Variants in VRTN observed in about 807,000 individuals in gnomAD.
VRTN encodes vertnin.
Under a neutral mutation model 18.2 loss-of-function variants are expected in VRTN, and 5 were observed. The ratio of observed to expected loss-of-function variants is 0.27; its 90% CI spans 0.14 to 0.58. The LOEUF is 0.58. Ranked by LOEUF, VRTN falls within the 20% of genes least tolerant of loss-of-function variation. VRTN has a pLI of 0.91. For missense variants in VRTN, 741 were observed against 939.4 expected, an observed-to-expected ratio of 0.79 and a Z score of 2.76; for synonymous variants, 381 against 393.7, an observed-to-expected ratio of 0.97 and a Z score of 0.38.
chr14:74,348,981 C>T (rs1256271277), intron 1 of VRTN, among the ~76,000 whole-genome samples: 2 of 152,034 alleles, frequency 1.3e-5, no homozygotes, highest in East Asian at 3.9e-4. Context: ...GGTTGGATCC[C>T]TCGTCCCTGG....
At chr14:74,324,386 TCAAA>T (rs2085475021) in intron 1 of VRTN, among the ~76,000 whole-genome samples, 1 of 26,490 alleles carries the variant, frequency 3.8e-5, no homozygotes. Flanking sequence ...AGACTCTGAC[TCAAA>T]AAAAAAAAAA....
chr14:74,340,134 C>T lies in VRTN; in HGVS notation c.-2+2250C>T, dbSNP rs1193448542. On this transcript the variant is annotated intron_variant, in intron 2 of 2. Transcript: ENST00000557177. ...TATTTTTTTTTTTTTTTTTTTGAGA[C>T]GGAGTTTTGCTCTTGTTGCCCAGGC... Among the ~76,000 whole-genome samples the T allele has an allele frequency of 1.9e-4, 24 of 126,582 alleles. 1 individual carries two copies. In the Middle Eastern group the frequency reaches 0.042, roughly 222 times the overall value. The allele number at this position is 126,582 out of a possible 152,430, so 83.0% of individuals were successfully genotyped here.
intron 1 of VRTN, among the ~76,000 whole-genome samples, chr14:74,350,850 G>A (rs1405575050): frequency 6.6e-6 from 1 of 152,190 alleles, no homozygotes; most frequent in East Asian, 1.9e-4. Context: ...AAATGCTTGA[G>A]GGTGAAAAGC....
At position 74,357,917 on chromosome 14, in the gene VRTN, G is replaced by A. The variant is rs112036854; in HGVS notation, c.1134G>A (p.Pro378=). ...VLGMEELEKL[P]EEQVAEEELE... ...GCATGGAGGAGCTAGAGAAGCTGCC[G>A]GAGGAGCAGGTGGCTGAGGAGGAGC... The change falls in exon 2 of 2, where the codon CCG becomes CCA. Residue 378 remains proline (P), a synonymous_variant. Transcript: ENST00000256362. This position sits in a 1 kb window ranked among gnomAD's most constrained non-coding sequence, Gnocchi z 7.8. 99 of 1,614,160 alleles carry A rather than the reference G, an allele frequency of 6.1e-5. No individual in the cohort carries two copies. The African/African-American group carries it at 8.7e-4, about 14-fold the overall frequency.
chr14:74,311,470 G>C (rs1272421616), intron 1 of VRTN, among the ~76,000 whole-genome samples: 1 of 150,956 alleles, frequency 6.6e-6, no homozygotes, highest in Admixed American at 6.6e-5. Flanking sequence ...GTCCAAGCTG[G>C]AGTGCAGTGG....
At chr14:74,334,495 A>C (rs1349370242) in intron 1 of VRTN, among the ~76,000 whole-genome samples, 1 of 152,162 alleles carries the variant, frequency 6.6e-6, no homozygotes, top group Non-Finnish European at 1.5e-5. Context: ...GCACCACTGC[A>C]CTCCAGGCTG....
At chr14:74,327,798 G>A (rs1420489563) in intron 1 of VRTN, among the ~76,000 whole-genome samples, 2 of 152,156 alleles carry the variant, frequency 1.3e-5, no homozygotes, top group Non-Finnish European at 2.9e-5. Flanking sequence ...TCAGCTCACT[G>A]CAACCTGTGC....
chr14:74,340,900 C>T (rs2085601030), intron 2 of VRTN, among the ~76,000 whole-genome samples: 1 of 152,008 alleles, frequency 6.6e-6, no homozygotes, highest in Admixed American at 6.6e-5. Context: ...CGCGCAGCCA[C>T]TCCCGGCTAA....
At chr14:74,322,992 G>A (rs1396567679) in intron 1 of VRTN, among the ~76,000 whole-genome samples, 1 of 151,888 alleles carries the variant, frequency 6.6e-6, no homozygotes, top group African/African-American at 2.4e-5. Flanking sequence ...AATTAGCCAG[G>A]CATGGTGACA....
At chr14:74,355,501 G>A (rs954787479) in intron 1 of VRTN, among the ~76,000 whole-genome samples, 1 of 151,794 alleles carries the variant, frequency 6.6e-6, no homozygotes, top group Non-Finnish European at 1.5e-5. Flanking sequence ...TAAGGATAAC[G>A]GTTTTCTTTC....
intron 1 of VRTN, among the ~76,000 whole-genome samples, chr14:74,332,843 C>T (rs1371069271): frequency 6.6e-6 from 1 of 152,152 alleles, no homozygotes; most frequent in African/African-American, 2.4e-5. Context: ...ATGCATCTTC[C>T]ATTGCTTCCT....
At chr14:74,342,290 G>T (rs2085610434) in intron 2 of VRTN, among the ~76,000 whole-genome samples, 1 of 150,782 alleles carries the variant, frequency 6.6e-6, no homozygotes. Flanking sequence ...ATATCTGTTC[G>T]GACTGTGGTT....
intron 1 of VRTN, among the ~76,000 whole-genome samples, chr14:74,322,665 C>T (rs2085463894): frequency 6.6e-6 from 1 of 152,152 alleles, no homozygotes; most frequent in South Asian, 2.1e-4. Context: ...CAACCCAACA[C>T]CCCCTGTATT....
rs183819584 is a variant in VRTN, at chr14:74,318,876, A to T, written c.-164+15700A>T. 4.0e-4 allele frequency among the ~76,000 whole-genome samples: 60 copies of T among 150,170 alleles called. 1 individual carries two copies. The highest frequency in any genetic ancestry group is 9.3e-4 in the Admixed American group (14 of 15,018). On this transcript the variant is annotated intron_variant, in intron 1 of 2. Coordinates refer to the VRTN transcript ENST00000557177. ...ACTACAAGTATGTGCCACCATGCCCAGTTAATTTGTATATTTTTAGTAGAG... is the reference window on the plus strand; with the variant it reads ...ACTACAAGTATGTGCCACCATGCCCTGTTAATTTGTATATTTTTAGTAGAG...
At chr14:74,328,385 G>T (rs964698276) in intron 1 of VRTN, among the ~76,000 whole-genome samples, 5 of 152,108 alleles carry the variant, frequency 3.3e-5, no homozygotes, top group African/African-American at 4.8e-5. Flanking sequence ...CCCAATGAAT[G>T]ATATCACAAA....
At chr14:74,328,765 AGATGGGTGG>A (rs1263707822) in intron 1 of VRTN, among the ~76,000 whole-genome samples, 1 of 152,222 alleles carries the variant, frequency 6.6e-6, no homozygotes, top group Non-Finnish European at 1.5e-5. Context: ...CAGGAGGCTG[AGATGGGTGG>A]ATCACCTGAG....
chr14:74,359,878 G>A lies in VRTN; in HGVS notation c.*986G>A, dbSNP rs2085767991. On this transcript the variant is annotated 3_prime_UTR_variant, in exon 2 of 2. Transcript: ENST00000256362. ...GTTGGGGATTCCACCTTTCTGCTGA[G>A]CGTCTTCTCGGAGCTGGAGGCCCAT... 1 of 167,250 alleles carries A rather than the reference G, an allele frequency of 6.0e-6. No individual in the cohort carries two copies. The highest frequency in any genetic ancestry group is 2.1e-4 in the South Asian group (1 of 4,832). The allele number at this position is 167,250 out of a possible 1,614,324, so 10.4% of individuals were successfully genotyped here.
intron 2 of VRTN, among the ~76,000 whole-genome samples, chr14:74,340,110 AT>A (rs71115984): frequency 0.21 from 23,295 of 113,036 alleles, 2,003 homozygotes; most frequent in East Asian, 0.54. Context: ...TAATGTTTGT[AT>A]TTTTTTTTTT....
At chr14:74,351,622 C>T (rs529356696) in intron 1 of VRTN, among the ~76,000 whole-genome samples, 2 of 150,004 alleles carry the variant, frequency 1.3e-5, no homozygotes, top group South Asian at 2.1e-4. Flanking sequence ...GCTGGGACTA[C>T]AGGCACATGC....
Sources: allele counts gnomAD v4.1 joint callset (sites outside exome capture counted in the v4.1 genomes callset), GRCh38; gene constraint gnomAD v4.1.1; non-coding constraint Gnocchi (gnomAD v3.1); transcripts MANE v1.5; gene names NCBI Gene and HGNC (gene_info 2026-07-23, HGNC 2026-07-21).